Variants in TAS2R1 observed in about 807,000 individuals in gnomAD.
TAS2R1 encodes taste receptor type 2 member 1.
For synonymous variants in TAS2R1, 141 were observed against 134.2 expected, an observed-to-expected ratio of 1.05 and a Z score of -0.35; for missense variants, 370 against 353.4, an observed-to-expected ratio of 1.05 and a Z score of -0.38.
chr5:9,889,715 G>A, the TAS2R1 span: 1 of 152,228 alleles, frequency 6.6e-6, no homozygotes, highest in Non-Finnish European at 1.5e-5. Flanking sequence ...AGGTCATGGA[G>A]CCTCACAGGA....
the TAS2R1 span, among the ~76,000 whole-genome samples, chr5:9,865,000 T>G: frequency 4.5e-4 from 69 of 152,232 alleles, no homozygotes; most frequent in Non-Finnish European, 8.7e-4. Context: ...CTTTCTTCCT[T>G]GGGTCAGGGA....
the TAS2R1 span, among the ~76,000 whole-genome samples, chr5:9,817,171 C>T: frequency 3.2e-4 from 49 of 152,174 alleles, no homozygotes; most frequent in Non-Finnish European, 2.6e-4. Context: ...GGAACATGTC[C>T]GATTTAAGCT....
At chr5:9,869,126 A>C in the TAS2R1 span, among the ~76,000 whole-genome samples, 1 of 151,908 alleles carries the variant, frequency 6.6e-6, no homozygotes, top group African/African-American at 2.4e-5. Flanking sequence ...AACTGTTCCA[A>C]CCTCTGCCTG....
At chr5:9,762,946 G>A in the TAS2R1 span, among the ~76,000 whole-genome samples, 5 of 152,002 alleles carry the variant, frequency 3.3e-5, no homozygotes, top group Non-Finnish European at 7.4e-5. Context: ...TTTCCCCATA[G>A]GATTCTTTTC....
the TAS2R1 span, among the ~76,000 whole-genome samples, chr5:9,735,242 A>G: frequency 6.6e-6 from 1 of 151,410 alleles, no homozygotes; most frequent in East Asian, 1.9e-4. Flanking sequence ...TTACAATTCA[A>G]CGTGAGATTT....
At chr5:9,675,547 G>T (rs1445342518) in intron 1 of TAS2R1, among the ~76,000 whole-genome samples, 2 of 151,304 alleles carry the variant, frequency 1.3e-5, no homozygotes, top group Admixed American at 1.3e-4. Context: ...CTCCTGAGTA[G>T]CTGGGACCAC....
At chr5:9,711,863 G>A (rs966679133) in intron 1 of TAS2R1, among the ~76,000 whole-genome samples, 5 of 150,898 alleles carry the variant, frequency 3.3e-5, no homozygotes, top group African/African-American at 7.3e-5. Context: ...TTGGGGTTTC[G>A]TCATGTTGGC....
At chr5:9,734,304 A>AT in the TAS2R1 span, among the ~76,000 whole-genome samples, 1 of 152,236 alleles carries the variant, frequency 6.6e-6, no homozygotes, top group East Asian at 1.9e-4. Flanking sequence ...GTATTTTATT[A>AT]TAGCAGCCCA....
the TAS2R1 span, among the ~76,000 whole-genome samples, chr5:9,855,674 G>T: frequency 2.0e-5 from 3 of 152,226 alleles, no homozygotes; most frequent in Non-Finnish European, 2.9e-5. Context: ...TTGGCCACTG[G>T]CTTGAGCCAT....
chr5:9,657,582 A>C (rs1341179171), intron 2 of TAS2R1, among the ~76,000 whole-genome samples: 1 of 152,206 alleles, frequency 6.6e-6, no homozygotes, highest in African/African-American at 2.4e-5. Flanking sequence ...CTCAAAAAGG[A>C]GAAAATTTTT....
the TAS2R1 span, among the ~76,000 whole-genome samples, chr5:9,880,178 T>C: frequency 6.6e-6 from 1 of 152,210 alleles, no homozygotes; most frequent in Admixed American, 6.5e-5. Flanking sequence ...TTTACCTCTT[T>C]AAGGACCCTG....
chr5:9,700,352 C>T (rs781598999), intron 1 of TAS2R1, among the ~76,000 whole-genome samples: 2 of 152,064 alleles, frequency 1.3e-5, no homozygotes, highest in African/African-American at 2.4e-5. Flanking sequence ...ACAAGTAATA[C>T]GAATTGTGAT....
the TAS2R1 span, among the ~76,000 whole-genome samples, chr5:9,755,493 G>A: frequency 5.9e-5 from 9 of 151,530 alleles, no homozygotes; most frequent in South Asian, 2.1e-4. Context: ...AGGCTGAGGC[G>A]GGAGAATTGC....
the TAS2R1 span, among the ~76,000 whole-genome samples, chr5:9,860,993 T>C: frequency 3.5e-5 from 5 of 141,650 alleles, no homozygotes; most frequent in African/African-American, 1.3e-4. Flanking sequence ...CTCCATAGCA[T>C]AGAAGTTGCA....
chr5:9,673,260 TA>T (rs1475046765), intron 1 of TAS2R1, among the ~76,000 whole-genome samples: 1 of 152,080 alleles, frequency 6.6e-6, no homozygotes, highest in African/African-American at 2.4e-5. Context: ...CAATTTACCT[TA>T]TAACAAACTG....
chr5:9,696,734 C>A (rs1741363914), intron 1 of TAS2R1, among the ~76,000 whole-genome samples: 2 of 151,934 alleles, frequency 1.3e-5, no homozygotes, highest in African/African-American at 4.8e-5. Context: ...ATTCGCAAGG[C>A]CGGGTGTGGT....
chr5:9,844,920 T>C, the TAS2R1 span, among the ~76,000 whole-genome samples: 5 of 152,302 alleles, frequency 3.3e-5, no homozygotes, highest in African/African-American at 4.8e-5. Flanking sequence ...ATGTCTTCAA[T>C]AGTGTCAATT....
At chr5:9,645,390 A>C (rs1451662641) in intron 2 of TAS2R1, among the ~76,000 whole-genome samples, 1 of 152,194 alleles carries the variant, frequency 6.6e-6, no homozygotes, top group Non-Finnish European at 1.5e-5. Context: ...GCCATTAAGC[A>C]TCACCGCGTC....
the TAS2R1 span, among the ~76,000 whole-genome samples, chr5:9,806,187 C>T: frequency 2.6e-5 from 4 of 151,816 alleles, no homozygotes; most frequent in Non-Finnish European, 5.9e-5. Context: ...TAGGAAAATA[C>T]CTAATCAAGA....
Sources: allele counts gnomAD v4.1 joint callset (sites outside exome capture counted in the v4.1 genomes callset), GRCh38; gene constraint gnomAD v4.1.1; transcripts MANE v1.5; gene names NCBI Gene and HGNC (gene_info 2026-07-23, HGNC 2026-07-21).